METTL15: variants seen among roughly 807,000 people sequenced by gnomAD.
METTL15 encodes methyltransferase 15, mitochondrial 12S rRNA N4-cytidine.
A neutral mutation model predicts 38.3 loss-of-function variants in METTL15; 34 were observed. The ratio of observed to expected loss-of-function variants is 0.89; its 90% CI spans 0.68 to 1.18. METTL15 has a LOEUF of 1.18. Ranked by LOEUF, METTL15 falls within the 50% of genes most tolerant of loss-of-function variation. The pLI is 0.00. For missense variants in METTL15, 438 were observed against 498.4 expected, an observed-to-expected ratio of 0.88 and a Z score of 1.15; for synonymous variants, 162 against 170.9, an observed-to-expected ratio of 0.95 and a Z score of 0.41.
chr11:28,162,709 TC>T (rs1255335180), intron 3 of METTL15, among the ~76,000 whole-genome samples: 2 of 152,080 alleles, frequency 1.3e-5, no homozygotes, highest in African/African-American at 4.8e-5. Context: ...TTGGGCAAAA[TC>T]ATCAAACAAA....
At chr11:28,430,583 G>A (rs1173410056) in intron 6 of METTL15, among the ~76,000 whole-genome samples, 9 of 35,354 alleles carry the variant, frequency 2.5e-4, no homozygotes, top group East Asian at 1.1e-3. Context: ...CAGCCGCCCC[G>A]TCCGGGAGGG....
intron 4 of METTL15, among the ~76,000 whole-genome samples, chr11:28,228,501 A>G (rs1469284957): frequency 1.3e-5 from 2 of 151,932 alleles, no homozygotes; most frequent in Non-Finnish European, 2.9e-5. Context: ...TCCTGATCAG[A>G]GTTTAATGGA....
At chr11:28,492,475 GTGGAAA>G (rs1363218681) in intron 6 of METTL15, among the ~76,000 whole-genome samples, 1 of 151,944 alleles carries the variant, frequency 6.6e-6, no homozygotes, top group African/African-American at 2.4e-5. Context: ...TTCTTGCTGT[GTGGAAA>G]TGTCAGAAAT....
At chr11:28,440,558 C>A (rs1851025395) in intron 6 of METTL15, among the ~76,000 whole-genome samples, 1 of 152,112 alleles carries the variant, frequency 6.6e-6, no homozygotes, top group African/African-American at 2.4e-5. Flanking sequence ...AGCTGATTAA[C>A]CTTATTAAGA....
At chr11:28,349,125 C>G (rs1287161551) in intron 3 of METTL15, among the ~76,000 whole-genome samples, 1 of 152,228 alleles carries the variant, frequency 6.6e-6, no homozygotes, top group East Asian at 1.9e-4. Context: ...ATAGCTCACT[C>G]TAGTACCTTC....
At chr11:28,184,860 T>C (rs1012242897) in intron 3 of METTL15, among the ~76,000 whole-genome samples, 2 of 151,414 alleles carry the variant, frequency 1.3e-5, no homozygotes, top group Non-Finnish European at 3.0e-5. Context: ...GGAGTATATG[T>C]GTGTTGCATG....
At chr11:28,216,807 C>T (rs989876977) in intron 4 of METTL15, among the ~76,000 whole-genome samples, 7 of 148,264 alleles carry the variant, frequency 4.7e-5, no homozygotes, top group Non-Finnish European at 7.4e-5. Flanking sequence ...TGAGAACATG[C>T]GGTGTTTGGT....
chr11:28,231,946 A>C (rs1024605621), intron 4 of METTL15, among the ~76,000 whole-genome samples: 2 of 151,830 alleles, frequency 1.3e-5, no homozygotes, highest in Non-Finnish European at 2.9e-5. Context: ...TACATACTCA[A>C]TATCATATGG....
chr11:28,422,392 C>G (rs1385411688), intron 5 of METTL15, among the ~76,000 whole-genome samples: 1 of 151,854 alleles, frequency 6.6e-6, no homozygotes, highest in Non-Finnish European at 1.5e-5. Context: ...CTATACTGAG[C>G]AAAAAGAACA....
intron 5 of METTL15, among the ~76,000 whole-genome samples, chr11:28,389,375 TC>T (rs1298627289): frequency 1.2e-5 from 1 of 86,110 alleles, no homozygotes; most frequent in African/African-American, 4.6e-5. Flanking sequence ...ATGCTGTCCC[TC>T]CCCCCTCCCC....
At chr11:28,421,561 A>C (rs534304547) in intron 5 of METTL15, among the ~76,000 whole-genome samples, 47 of 152,226 alleles carry the variant, frequency 3.1e-4, no homozygotes, top group Middle Eastern at 6.8e-3. Flanking sequence ...CAACATATGC[A>C]AATGTATCAG....
In METTL15 at chr11:28,373,399, T is replaced by G. The variant is rs1057074043; in HGVS notation, c.*358+11363T>G. Among the ~76,000 whole-genome samples the G allele has an allele frequency of 1.6e-4, 25 of 152,054 alleles. 1 individual carries two copies. Among genetic ancestry groups the G allele is most frequent in the Admixed American group, 6.6e-4 (10 of 15,260 alleles). ...ATGGTGAGCATTTTTTCATGTGTTT[T>G]TTGGCTGCATAAATGTCTTCTTTTG... On this transcript the variant is annotated intron_variant and NMD_transcript_variant, in intron 5 of 7. Coordinates refer to the METTL15 transcript ENST00000532947.
chr11:28,122,238 G>A, intron 3 of METTL15: 1 of 1,147,398 alleles, frequency 8.7e-7, no homozygotes, highest in South Asian at 1.5e-5. Context: ...TTTATAAAAT[G>A]CTTTGTTCAT....
At chr11:28,414,913 T>A (rs1590366603) in intron 5 of METTL15, among the ~76,000 whole-genome samples, 1 of 152,144 alleles carries the variant, frequency 6.6e-6, no homozygotes, top group Non-Finnish European at 1.5e-5. Flanking sequence ...GAAAAGAAAA[T>A]ACATTGTGTT....
Position 28,355,373 on chromosome 11 carries a change from A to G in METTL15, c.*258+3215A>G, listed in dbSNP as rs780501368. On this transcript the variant is annotated intron_variant and NMD_transcript_variant, in intron 4 of 7. Transcript: ENST00000532947. ...TTATTTAAAGTATGTCAATTTGGAA[A>G]TTTTTGTAGGTTAATAGTAGTTCTG... 4.6e-5 allele frequency among the ~76,000 whole-genome samples: 7 copies of G among 152,308 alleles called. No individual in the cohort carries two copies. In the South Asian group the frequency reaches 1.2e-3, roughly 27 times the overall value.
chr11:28,119,713 T>C (rs570711423), intron 3 of METTL15, among the ~76,000 whole-genome samples: 11 of 152,340 alleles, frequency 7.2e-5, no homozygotes, highest in South Asian at 4.1e-4. Context: ...TTAAATGCAT[T>C]ATGCTCTGTA....
At chr11:28,446,842 T>G (rs549435913) in intron 6 of METTL15, among the ~76,000 whole-genome samples, 1 of 152,240 alleles carries the variant, frequency 6.6e-6, no homozygotes, top group African/African-American at 2.4e-5. Flanking sequence ...CCTAATCACA[T>G]TCCCCAAACT....
intron 6 of METTL15, among the ~76,000 whole-genome samples, chr11:28,523,064 A>G (rs561824066): frequency 6.6e-6 from 1 of 152,344 alleles, no homozygotes; most frequent in African/African-American, 2.4e-5. Flanking sequence ...TAGAGGCAAG[A>G]CGGATTATAA....
intron 5 of METTL15, among the ~76,000 whole-genome samples, chr11:28,416,339 G>GA (rs1487158293): frequency 1.0e-4 from 15 of 150,206 alleles, no homozygotes; most frequent in African/African-American, 3.7e-4. Flanking sequence ...GACACTCTGA[G>GA]AAAAATGGTC....
Sources: allele counts gnomAD v4.1 joint callset (sites outside exome capture counted in the v4.1 genomes callset), GRCh38; gene constraint gnomAD v4.1.1; transcripts MANE v1.5; gene names NCBI Gene and HGNC (gene_info 2026-07-23, HGNC 2026-07-21).